Variants in CAMTA1 observed in about 807,000 individuals in gnomAD.
The protein encoded by CAMTA1 is calmodulin binding transcription activator 1.
In CAMTA1, 27 loss-of-function variants were observed where a neutral mutation model predicts 170.9. The observed-to-expected ratio is 0.16, with a 90% CI of 0.12 to 0.22. The LOEUF is 0.22. CAMTA1 is among the 10% of genes least tolerant of loss of function. The pLI is 1.00. For synonymous variants in CAMTA1, 833 were observed against 891.5 expected, an observed-to-expected ratio of 0.93 and a Z score of 1.17; for missense variants, 1,619 against 2,217.2, an observed-to-expected ratio of 0.73 and a Z score of 5.42.
At chr1:7,398,161 CTCT>C (rs2089488387) in intron 5 of CAMTA1, among the ~76,000 whole-genome samples, 2 of 24,650 alleles carry the variant, frequency 8.1e-5, no homozygotes, top group Non-Finnish European at 1.6e-4. Flanking sequence ...ATTGCTCTCT[CTCT>C]CTCTCTCTCT....
At chr1:7,522,091 T>G (rs767522437) in intron 6 of CAMTA1, among the ~76,000 whole-genome samples, 53 of 152,342 alleles carry the variant, frequency 3.5e-4, no homozygotes, top group Non-Finnish European at 6.8e-4. Flanking sequence ...CCAGAACAAC[T>G]GTACCATCTC....
chr1:7,398,766 G>A (rs189115866), intron 5 of CAMTA1, among the ~76,000 whole-genome samples: 6 of 151,932 alleles, frequency 3.9e-5, no homozygotes, highest in African/African-American at 1.2e-4. Context: ...TTCTATAATA[G>A]TAAGCTTTGA....
intron 4 of CAMTA1, among the ~76,000 whole-genome samples, chr1:7,161,219 T>C (rs1474389468): frequency 1.3e-5 from 2 of 152,194 alleles, no homozygotes; most frequent in African/African-American, 4.8e-5. Flanking sequence ...CCACATTCCT[T>C]TCATCTCTCT....
chr1:6,905,982 C>G lies in CAMTA1; in HGVS notation c.234+80772C>G, dbSNP rs1252353049. 4.6e-5 allele frequency among the ~76,000 whole-genome samples: 7 copies of G among 152,312 alleles called. No individual in the cohort carries two copies. In the East Asian group the frequency reaches 1.2e-3, roughly 25 times the overall value. On this transcript the variant is annotated intron_variant, in intron 3 of 22. Coordinates refer to ENST00000303635, the MANE Select transcript of CAMTA1 (RefSeq NM_015215.4). Reference sequence around the variant, plus strand: ...CGCCTCTGCTCCTTCAGATAGATGTCCTGAAGGGATGTGGAGCTGGTGTTG... The same window carrying G: ...CGCCTCTGCTCCTTCAGATAGATGTGCTGAAGGGATGTGGAGCTGGTGTTG...
At chr1:7,392,852 C>T (rs1469667338) in intron 5 of CAMTA1, among the ~76,000 whole-genome samples, 5 of 151,400 alleles carry the variant, frequency 3.3e-5, no homozygotes, top group Non-Finnish European at 5.9e-5. Context: ...CCAGCCTGGA[C>T]GACAGAGACT....
At chr1:7,672,202 G>T (rs917612779) in intron 10 of CAMTA1, 3 of 388,490 alleles carry the variant, frequency 7.7e-6, no homozygotes, top group African/African-American at 6.3e-5. Flanking sequence ...GTAGAAGACT[G>T]GGGGTGAGGA....
At chr1:7,230,438 CCCCCCCG>C (rs1662544042) in intron 4 of CAMTA1, among the ~76,000 whole-genome samples, 1 of 81,868 alleles carries the variant, frequency 1.2e-5, no homozygotes, top group African/African-American at 5.7e-5. Flanking sequence ...GCTGACCCCC[CCCCCCCG>C]CCCCGCAAAG....
chr1:7,436,607 G>C (rs1456121422), intron 5 of CAMTA1, among the ~76,000 whole-genome samples: 1 of 152,144 alleles, frequency 6.6e-6, no homozygotes, highest in African/African-American at 2.4e-5. Flanking sequence ...CCAGGGCCTG[G>C]TCCCTCCTCC....
At chr1:7,250,243 T>G (rs1666416363) in intron 5 of CAMTA1, among the ~76,000 whole-genome samples, 1 of 152,254 alleles carries the variant, frequency 6.6e-6, no homozygotes, top group African/African-American at 2.4e-5. Flanking sequence ...CCACAGACTC[T>G]CAACCTTGGG....
chr1:7,432,038 G>T (rs2092184776), intron 5 of CAMTA1, among the ~76,000 whole-genome samples: 1 of 152,216 alleles, frequency 6.6e-6, no homozygotes, highest in South Asian at 2.1e-4. Flanking sequence ...CAAGAAGCCT[G>T]CAGTCAGTTC....
chr1:6,893,867 A>G (rs1675087798), intron 3 of CAMTA1, among the ~76,000 whole-genome samples: 1 of 152,242 alleles, frequency 6.6e-6, no homozygotes. Flanking sequence ...TAAATGACCA[A>G]AAATATCAAG....
chr1:6,818,669 C>A (rs1011405780), intron 1 of CAMTA1, among the ~76,000 whole-genome samples: 1 of 152,104 alleles, frequency 6.6e-6, no homozygotes, highest in African/African-American at 2.4e-5. Flanking sequence ...GACAGGGTTT[C>A]ACTCTGTCAT....
intron 6 of CAMTA1, among the ~76,000 whole-genome samples, chr1:7,577,648 C>T (rs1391053723): frequency 6.6e-6 from 1 of 151,998 alleles, no homozygotes; most frequent in East Asian, 1.9e-4. Flanking sequence ...ACACTCACAC[C>T]GTCCTGCATG....
At chr1:7,134,006 T>G (rs1259046542) in intron 4 of CAMTA1, among the ~76,000 whole-genome samples, 1 of 152,130 alleles carries the variant, frequency 6.6e-6, no homozygotes, top group Non-Finnish European at 1.5e-5. Flanking sequence ...ACCCAGGTGG[T>G]GAGCATAGTG....
At chr1:7,190,451 A>G (rs191062139) in intron 4 of CAMTA1, among the ~76,000 whole-genome samples, 3 of 152,336 alleles carry the variant, frequency 2.0e-5, no homozygotes, top group African/African-American at 4.8e-5. Flanking sequence ...GTGTGTAGAA[A>G]ATAATCATGA....
chr1:7,463,745 T>G lies in CAMTA1; in HGVS notation c.439-4085T>G, dbSNP rs1011741761. On this transcript the variant is annotated intron_variant, in intron 5 of 22. Transcript: ENST00000303635. The surrounding 1 kb of genome is among the most constrained non-coding windows in gnomAD (Gnocchi z 4.7). ...GTAGAGAGCTGGCCGGGAAGGGAGG[T>G]GCCCACAACATACCAACCTATAAGT... Among the ~76,000 whole-genome samples the G allele has an allele frequency of 6.6e-6, 1 of 151,600 alleles. No individual in the cohort carries two copies. Among genetic ancestry groups the G allele is most frequent in the Non-Finnish European group, 1.5e-5 (1 of 67,930 alleles).
chr1:7,409,263 G>A (rs2090530327), intron 5 of CAMTA1, among the ~76,000 whole-genome samples: 1 of 152,222 alleles, frequency 6.6e-6, no homozygotes, highest in Non-Finnish European at 1.5e-5. Context: ...TGGTGGGAAA[G>A]AGCACGACCT....
rs187177509 is a variant in CAMTA1 at position 7,251,562 on chromosome 1, C to A, written c.438+1936C>A. On this transcript the variant is annotated intron_variant, in intron 5 of 22. Coordinates refer to ENST00000303635, the MANE Select transcript of CAMTA1 (RefSeq NM_015215.4). This position sits in a 1 kb window ranked among gnomAD's most constrained non-coding sequence, Gnocchi z 5.1. ...ATTATGTGGTGGCCTTGCCCGTGAG[C>A]TCAGCGAGTTGTCCCACTGAGCCAC... is the stretch of plus-strand genomic sequence containing the variant. Among the ~76,000 whole-genome samples, 1 of 152,184 alleles carries A rather than the reference C, an allele frequency of 6.6e-6. No homozygotes were observed. The highest frequency in any genetic ancestry group is 2.4e-5 in the African/African-American group (1 of 41,434).
At chr1:7,648,002 T>G (rs762360298) in intron 7 of CAMTA1, among the ~76,000 whole-genome samples, 3 of 152,188 alleles carry the variant, frequency 2.0e-5, no homozygotes, top group Non-Finnish European at 4.4e-5. Flanking sequence ...AAGGATCACT[T>G]GAACCTAGGG....
Sources: gnomAD v4.1 joint callset for allele counts (sites outside exome capture counted in the v4.1 genomes callset) on GRCh38, gnomAD v4.1.1 for gene constraint, Gnocchi (gnomAD v3.1) non-coding constraint, MANE v1.5 for transcripts, NCBI Gene and HGNC (gene_info 2026-07-23, HGNC 2026-07-21) for gene names.